The following RGS6 variants were observed in gnomAD, a reference collection of about 807,000 sequenced individuals.
RGS6 encodes the protein regulator of G protein signaling 6.
In RGS6, 30 loss-of-function variants were observed where a neutral mutation model predicts 78.5. The observed-to-expected ratio is 0.38, with a 90% confidence interval of 0.29 to 0.52. The LOEUF is 0.52. Among genes scored for constraint, RGS6 ranks in the 20% least tolerant of loss-of-function variants. RGS6 has a pLI of 0.85. For synonymous variants in RGS6, 206 were observed against 206.0 expected (o/e 1.00, Z 0.00); for missense variants, 495 against 609.7 (o/e 0.81, Z 1.98).
chr14:72,425,620 G>A (rs1230848511), intron 3 of RGS6, among the ~76,000 whole-genome samples: 1 of 152,088 alleles, frequency 6.6e-6, no homozygotes, highest in Non-Finnish European at 1.5e-5. Context: ...CCTAAATGGG[G>A]TATCATTTTT....
At chr14:72,618,058 A>AT in the RGS6 span, among the ~76,000 whole-genome samples, 73,193 of 151,086 alleles carry the variant, frequency 0.48, 18,492 homozygotes, top group East Asian at 0.93. Flanking sequence ...TTCTAGACAC[A>AT]TTTTTTTTTG....
At chr14:72,599,596 T>G in the RGS6 span, among the ~76,000 whole-genome samples, 1 of 115,588 alleles carries the variant, frequency 8.7e-6, no homozygotes. Flanking sequence ...TTTTTTTTTT[T>G]TGTATTTTTA....
intron 2 of RGS6, among the ~76,000 whole-genome samples, chr14:72,159,221 G>C (rs890702306): frequency 3.3e-5 from 5 of 152,140 alleles, no homozygotes; most frequent in African/African-American, 1.2e-4. Flanking sequence ...GACATTATGC[G>C]AACCATCTCA....
At chr14:71,923,611 C>A in the RGS6 span, among the ~76,000 whole-genome samples, 1 of 152,006 alleles carries the variant, frequency 6.6e-6, no homozygotes, top group Non-Finnish European at 1.5e-5. Context: ...GCAATAAAAA[C>A]GTATGAACTG....
At chr14:72,121,054 G>T (rs1435494487) in intron 2 of RGS6, among the ~76,000 whole-genome samples, 2 of 152,146 alleles carry the variant, frequency 1.3e-5, no homozygotes, top group African/African-American at 4.8e-5. Flanking sequence ...AGGTTTACAG[G>T]ATTCCTGGTC....
intron 2 of RGS6, among the ~76,000 whole-genome samples, chr14:72,117,568 C>T (rs2095929485): frequency 6.6e-6 from 1 of 152,100 alleles, no homozygotes. Flanking sequence ...GACCCGGTCT[C>T]AGGAATTCCT....
intron 3 of RGS6, among the ~76,000 whole-genome samples, chr14:72,387,933 G>T (rs925799235): frequency 2.0e-5 from 3 of 152,160 alleles, no homozygotes; most frequent in Non-Finnish European, 4.4e-5. Context: ...TCTTCCTTCT[G>T]TGTGTGTCTG....
At chr14:72,183,123 C>A (rs1421148421) in intron 2 of RGS6, among the ~76,000 whole-genome samples, 2 of 152,140 alleles carry the variant, frequency 1.3e-5, no homozygotes, top group Non-Finnish European at 2.9e-5. Flanking sequence ...GGTTTAAAAG[C>A]CCTTTTTTGT....
At chr14:72,027,009 G>A (rs1378114053) in intron 2 of RGS6, among the ~76,000 whole-genome samples, 6 of 152,026 alleles carry the variant, frequency 3.9e-5, no homozygotes, top group African/African-American at 1.4e-4. Flanking sequence ...TCTAGGCCTG[G>A]GGCTTCCAAA....
intron 2 of RGS6, among the ~76,000 whole-genome samples, chr14:72,242,393 G>A (rs1395028928): frequency 6.6e-6 from 1 of 152,160 alleles, no homozygotes; most frequent in Non-Finnish European, 1.5e-5. Flanking sequence ...GATAAGGGAA[G>A]TTCAGATAAG....
chr14:72,073,260 T>C (rs1048427761), intron 2 of RGS6, among the ~76,000 whole-genome samples: 4 of 152,216 alleles, frequency 2.6e-5, no homozygotes, highest in Non-Finnish European at 2.9e-5. Context: ...TATTGGAAAC[T>C]GCAACTTTTA....
At chr14:72,528,065 G>A (rs1441417828) in intron 15 of RGS6, among the ~76,000 whole-genome samples, 1 of 152,190 alleles carries the variant, frequency 6.6e-6, no homozygotes. Context: ...GAGGACATAA[G>A]GGTCTTCTTG....
chr14:72,418,685 G>T (rs1214158086), intron 3 of RGS6, among the ~76,000 whole-genome samples: 1 of 152,202 alleles, frequency 6.6e-6, no homozygotes, highest in Non-Finnish European at 1.5e-5. Flanking sequence ...AAGGTGCCTG[G>T]AAATGTATTT....
chr14:72,027,853 T>C (rs1376809689), intron 2 of RGS6, among the ~76,000 whole-genome samples: 2 of 152,368 alleles, frequency 1.3e-5, no homozygotes, highest in African/African-American at 4.8e-5. Flanking sequence ...AAGACTGGAA[T>C]AGGCTTCCTT....
intron 2 of RGS6, among the ~76,000 whole-genome samples, chr14:72,128,023 C>G (rs1156689120): frequency 6.6e-6 from 1 of 152,090 alleles, no homozygotes; most frequent in Non-Finnish European, 1.5e-5. Context: ...TACTGAGTAG[C>G]GTTCTGTGGT....
At chr14:72,084,402 G>C (rs554784846) in intron 2 of RGS6, among the ~76,000 whole-genome samples, 1 of 152,272 alleles carries the variant, frequency 6.6e-6, no homozygotes, top group South Asian at 2.1e-4. Flanking sequence ...CTGGAGGTTT[G>C]GGACACCTGT....
At chr14:72,627,789 A>G in the RGS6 span, among the ~76,000 whole-genome samples, 1 of 152,118 alleles carries the variant, frequency 6.6e-6, no homozygotes. Flanking sequence ...AGATCATAGG[A>G]TGCCTTTCAA....
chr14:71,951,490 C>T (rs2092312979), intron 1 of RGS6, among the ~76,000 whole-genome samples: 1 of 152,108 alleles, frequency 6.6e-6, no homozygotes, highest in Non-Finnish European at 1.5e-5. Flanking sequence ...TTGATAGGTG[C>T]AGCAAACCAT....
intron 3 of RGS6, among the ~76,000 whole-genome samples, chr14:72,437,480 T>A (rs1055107293): frequency 6.6e-6 from 1 of 152,196 alleles, no homozygotes; most frequent in Non-Finnish European, 1.5e-5. Context: ...ATTCCCTTTA[T>A]TAGTTTTAGC....
Sources: gnomAD v4.1 joint callset for allele counts (sites outside exome capture counted in the v4.1 genomes callset) on GRCh38, gnomAD v4.1.1 for gene constraint, MANE v1.5 for transcripts, NCBI Gene and HGNC (gene_info 2026-07-23, HGNC 2026-07-21) for gene names.